Variants in CHN2 observed in about 807,000 individuals in gnomAD.
CHN2 encodes beta-chimaerin.
Under a neutral mutation model 56.3 loss-of-function variants are expected in CHN2, and 35 were observed. That is an observed-to-expected ratio of 0.62 (90% confidence interval 0.47 to 0.82). The LOEUF (loss-of-function observed/expected upper bound fraction) is 0.82, where lower values mean the gene tolerates loss of function less well. Ranked by LOEUF, CHN2 falls within the 40% of genes least tolerant of loss-of-function variation. The pLI is 0.00. For missense variants in CHN2, 491 were observed against 580.5 expected (o/e 0.85, Z 1.58); for synonymous variants, 210 against 212.8 (o/e 0.99, Z 0.12).
rs756564330 is a variant in CHN2, at chr7:29,512,761, C to T, written c.*26C>T. 2 of 1,595,396 alleles carry T rather than the reference C, an allele frequency of 1.3e-6. No individual in the cohort carries two copies. Among genetic ancestry groups the T allele is most frequent in the Admixed American group, 1.8e-5 (1 of 55,710 alleles). ...TCCATCAGGGAAATGAGCTGAATGG[C>T]CCCAGCACCATCCAAGTTGACACAG... is the stretch of plus-strand genomic sequence containing the variant. On this transcript the variant is annotated 3_prime_UTR_variant, in exon 13 of 13. Transcript: ENST00000222792.
At chr7:29,224,044 G>A (rs1786001668) in intron 1 of CHN2, among the ~76,000 whole-genome samples, 1 of 152,158 alleles carries the variant, frequency 6.6e-6, no homozygotes, top group South Asian at 2.1e-4. Flanking sequence ...TCAAGGGAAA[G>A]GTGGGCCAGA....
At chr7:29,381,027 G>A (rs538925879) in intron 3 of CHN2, among the ~76,000 whole-genome samples, 2 of 152,288 alleles carry the variant, frequency 1.3e-5, no homozygotes, top group South Asian at 4.2e-4. Context: ...AAGAAAGGAA[G>A]ATGCATAATT....
intron 1 of CHN2, among the ~76,000 whole-genome samples, chr7:29,340,095 A>G (rs1370707520): frequency 6.6e-5 from 10 of 152,152 alleles, no homozygotes; most frequent in Non-Finnish European, 1.2e-4. Flanking sequence ...GCTGTGGGAA[A>G]AAATGTCTTA....
At chr7:29,449,702 G>A (rs1317682676) in intron 6 of CHN2, among the ~76,000 whole-genome samples, 1 of 152,234 alleles carries the variant, frequency 6.6e-6, no homozygotes, top group Non-Finnish European at 1.5e-5. Flanking sequence ...TCAAATAAAT[G>A]TGGGCTGTGA....
At chr7:29,377,965 C>T (rs997604427) in intron 3 of CHN2, among the ~76,000 whole-genome samples, 1 of 152,212 alleles carries the variant, frequency 6.6e-6, no homozygotes, top group African/African-American at 2.4e-5. Flanking sequence ...ACCTTGCGTC[C>T]TTCTAGGTAA....
intron 1 of CHN2, among the ~76,000 whole-genome samples, chr7:29,280,154 C>A (rs575063736): frequency 1.4e-4 from 22 of 152,140 alleles, no homozygotes; most frequent in Non-Finnish European, 2.2e-4. Context: ...GAGGCTGAGG[C>A]GGGTGGATCA....
In CHN2 at chr7:29,499,881, G is replaced by C. The variant is rs140638672; in HGVS notation, c.754G>C (p.Val252Leu). ...TTTGTTTACAGACTGTGGATTGAAC[G>C]TACACAAACAGTGTTCCAAGCACGT... ...GVRCSDCGLN[V>L]HKQCSKHVPN... The change falls in exon 9 of 13, where the codon GTA becomes CTA. Residue 252 changes from valine (V) to leucine (L), a missense_variant. Physicochemically the swap from Val to Leu is conservative, Grantham distance 32. Transcript: ENST00000222792. The C allele has an allele frequency of 2.5e-6, 4 of 1,597,964 alleles. No homozygotes were observed. The highest frequency in any genetic ancestry group is 2.2e-5 in the East Asian group (1 of 44,632).
chr7:29,315,395 T>G (rs1794888181), intron 1 of CHN2, among the ~76,000 whole-genome samples: 1 of 152,212 alleles, frequency 6.6e-6, no homozygotes, highest in South Asian at 2.1e-4. Context: ...TAACTTCAGG[T>G]TGAAGGTGAA....
At chr7:29,439,077 T>G (rs1783443215) in intron 6 of CHN2, among the ~76,000 whole-genome samples, 2 of 152,190 alleles carry the variant, frequency 1.3e-5, no homozygotes, top group South Asian at 4.2e-4. Context: ...AACCTACTGT[T>G]TCTTGAGAGT....
chr7:29,175,136 G>A (rs550337714), intron 2 of CHN2, among the ~76,000 whole-genome samples: 1 of 151,462 alleles, frequency 6.6e-6, no homozygotes, highest in Non-Finnish European at 1.5e-5. Context: ...TCTCATGGCA[G>A]TGAATAAGTC....
chr7:29,308,979 C>T (rs556459475), intron 1 of CHN2, among the ~76,000 whole-genome samples: 2 of 152,244 alleles, frequency 1.3e-5, no homozygotes, highest in East Asian at 1.9e-4. Context: ...GGCAATGCAA[C>T]ATCTTGCACA....
chr7:29,322,585 A>C (rs1040338999), intron 1 of CHN2, among the ~76,000 whole-genome samples: 1 of 152,244 alleles, frequency 6.6e-6, no homozygotes, highest in Non-Finnish European at 1.5e-5. Flanking sequence ...AAAGCTCTCT[A>C]TAATGTCAAC....
chr7:29,509,973 T>C (rs1404014713), intron 12 of CHN2, among the ~76,000 whole-genome samples: 1 of 152,144 alleles, frequency 6.6e-6, no homozygotes, highest in Non-Finnish European at 1.5e-5. Context: ...GGCAGGCTGA[T>C]GTACAGCCTT....
At chr7:29,181,464 T>C (rs1324870197) in intron 2 of CHN2, 1 of 152,194 alleles carries the variant, frequency 6.6e-6, no homozygotes, top group Non-Finnish European at 1.5e-5. Flanking sequence ...AGGAAGTTTG[T>C]CCAAGAGTAA....
intron 1 of CHN2, among the ~76,000 whole-genome samples, chr7:29,222,889 C>T (rs1562843795): frequency 6.6e-6 from 1 of 152,004 alleles, no homozygotes; most frequent in Non-Finnish European, 1.5e-5. Context: ...GATATTGGCT[C>T]AAGGATACAT....
intron 7 of CHN2, among the ~76,000 whole-genome samples, chr7:29,482,884 C>T (rs571198199): frequency 7.9e-6 from 1 of 127,312 alleles, no homozygotes; most frequent in Admixed American, 9.6e-5. Context: ...TGCAGTGGCG[C>T]GATCTCGGCT....
At chr7:29,273,343 G>GTGTATATATATATA (rs1157790795) in intron 1 of CHN2, among the ~76,000 whole-genome samples, 1 of 58,216 alleles carries the variant, frequency 1.7e-5, no homozygotes, top group African/African-American at 6.4e-5. Context: ...ATATATATGT[G>GTGTATATATATATA]TATATATATA....
chr7:29,219,589 G>A (rs990217984), intron 1 of CHN2, among the ~76,000 whole-genome samples: 1 of 152,112 alleles, frequency 6.6e-6, no homozygotes, highest in Non-Finnish European at 1.5e-5. Context: ...TTTAAATCTA[G>A]TAGGTTTTAA....
chr7:29,470,375 G>C (rs986248753), intron 6 of CHN2, among the ~76,000 whole-genome samples: 1 of 152,202 alleles, frequency 6.6e-6, no homozygotes, highest in African/African-American at 2.4e-5. Flanking sequence ...ATATTGAGCA[G>C]TATCAGCTGC....
Sources: gnomAD v4.1 joint callset for allele counts (sites outside exome capture counted in the v4.1 genomes callset) on GRCh38, gnomAD v4.1.1 for gene constraint, MANE v1.5 for transcripts, NCBI Gene and HGNC (gene_info 2026-07-23, HGNC 2026-07-21) for gene names.